Variants in FREM2 observed in about 807,000 individuals in gnomAD.
The protein encoded by FREM2 is FRAS1-related extracellular matrix protein 2.
Under a neutral mutation model 219.9 loss-of-function variants are expected in FREM2, and 119 were observed. The observed-to-expected ratio is 0.54, with a 90% CI of 0.47 to 0.63. The LOEUF (loss-of-function observed/expected upper bound fraction) is 0.63, where lower values mean the gene tolerates loss of function less well. Ranked by LOEUF, FREM2 falls within the 30% of genes least tolerant of loss-of-function variation. FREM2 has a pLI of 0.00. For synonymous variants in FREM2, 1,562 were observed against 1,522.8 expected (o/e 1.03, Z -0.60); for missense variants, 4,030 against 3,993.6 (o/e 1.01, Z -0.25).
chr13:38,860,582 G>A (rs537708471), intron 14 of FREM2, among the ~76,000 whole-genome samples: 60 of 152,214 alleles, frequency 3.9e-4, no homozygotes, highest in Admixed American at 2.1e-3. Context: ...TAATAAATCA[G>A]ACAGCCTCTA....
In FREM2 at chr13:38,850,740, C is replaced by T. The variant is rs1027663077; in HGVS notation, c.6578-204C>T. Among the ~76,000 whole-genome samples, 11 of 152,194 alleles carry T rather than the reference C, an allele frequency of 7.2e-5. No homozygotes were observed. The South Asian group carries it at 8.3e-4, about 11-fold the overall frequency. ...ACAGAAATCAAAGAAATTCCCCATACGAATAAGTGCTGGTCATTGCATATA... is the reference window on the plus strand; with the variant it reads ...ACAGAAATCAAAGAAATTCCCCATATGAATAAGTGCTGGTCATTGCATATA... On this transcript the variant is annotated intron_variant, in intron 9 of 23. Coordinates refer to ENST00000280481, the MANE Select transcript of FREM2 (RefSeq NM_207361.6).
rs752173818 is a variant in FREM2, at chr13:38,691,821, T to A, written c.4477T>A (p.Tyr1493Asn). 6.2e-7 allele frequency: 1 copy of A among 1,614,182 alleles called. No individual in the cohort carries two copies. Among genetic ancestry groups the A allele is most frequent in the East Asian group, 2.2e-5 (1 of 44,884 alleles). ...TQLQLAGNKIYYIHTADDEVK... is the reference protein window; with the variant it reads ...TQLQLAGNKINYIHTADDEVK... Reference sequence around the variant, plus strand: ...GCTGCAACTGGCTGGAAACAAAATCTACTACATCCACACAGCTGATGATGA... The same window carrying A: ...GCTGCAACTGGCTGGAAACAAAATCAACTACATCCACACAGCTGATGATGA... The change falls in exon 1 of 24, where the codon TAC (tyrosine) becomes AAC (asparagine). Residue 1493 changes from tyrosine (Y) to asparagine (N), a missense_variant. Transcript: ENST00000280481.
chr13:38,827,969 C>A (rs7322259), intron 6 of FREM2, among the ~76,000 whole-genome samples: 20,526 of 152,076 alleles, frequency 0.13, 2,588 homozygotes, highest in African/African-American at 0.34. Context: ...GTAATAATAT[C>A]TTTTATCACA....
intron 6 of FREM2, among the ~76,000 whole-genome samples, chr13:38,840,680 A>G (rs1202337716): frequency 2.7e-5 from 4 of 149,292 alleles, no homozygotes; most frequent in Non-Finnish European, 4.4e-5. Context: ...ATATGTATAC[A>G]TGTGTGTATA....
chr13:38,840,661 TAC>T (rs1173969978), intron 6 of FREM2, among the ~76,000 whole-genome samples: 4 of 148,894 alleles, frequency 2.7e-5, no homozygotes, highest in African/African-American at 1.0e-4. Context: ...TGTATATATA[TAC>T]ACACACATAT....
chr13:38,719,463 C>A (rs1215357798), intron 2 of FREM2, among the ~76,000 whole-genome samples: 1 of 152,090 alleles, frequency 6.6e-6, no homozygotes, highest in African/African-American at 2.4e-5. Flanking sequence ...TTAGGTGATC[C>A]GCCCACCTTG....
intron 5 of FREM2, among the ~76,000 whole-genome samples, 159 bp from the exon 6 acceptor site, chr13:38,784,398 C>T (rs1287951515): frequency 5.9e-5 from 9 of 152,214 alleles, no homozygotes; most frequent in Admixed American, 1.3e-4. Flanking sequence ...CTCAAGTTGA[C>T]TCATGATACT....
At chr13:38,828,718 A>G (rs1164630719) in intron 6 of FREM2, among the ~76,000 whole-genome samples, 1 of 122,466 alleles carries the variant, frequency 8.2e-6, no homozygotes, top group African/African-American at 4.5e-5. Context: ...ATGTCTCTTA[A>G]TAATAATAAA....
At position 38,784,640 on chromosome 13, in the gene FREM2, C is replaced by A; in HGVS notation, c.5851C>A (p.Arg1951Ser). 1 of 1,614,148 alleles carries A rather than the reference C, an allele frequency of 6.2e-7. No homozygotes were observed. Among genetic ancestry groups the A allele is most frequent in the Admixed American group, 1.7e-5 (1 of 60,018 alleles). Residue 1951 changes from arginine (R) to serine (S), a missense_variant, in exon 6 of 24, where the codon CGC (arginine) becomes AGC (serine). Arg to Ser is a moderately radical substitution (Grantham distance 110). This residue lies in a region of FREM2 where 3,102 missense variants were observed against 2,950.7 expected (regional missense o/e 1.05). Coordinates refer to ENST00000280481, the MANE Select transcript of FREM2 (RefSeq NM_207361.6). Reference sequence around the variant, plus strand: ...GCCTGAGGACCACACCAGTGTTGTCCGCTTTGACAAAGATGAACGGGAGAA... The same window carrying A: ...GCCTGAGGACCACACCAGTGTTGTCAGCTTTGACAAAGATGAACGGGAGAA... ...SRPEDHTSVVRFDKDEREKLC... is the reference protein window; with the variant it reads ...SRPEDHTSVVSFDKDEREKLC...
rs779050371 is a variant in FREM2 at position 38,851,787 on chromosome 13, A to G, written c.6844A>G (p.Thr2282Ala). ...IRIPVIRQGD[T>A]SKVSIVRVHT... is the part of the protein sequence containing the mutation. ...AATTCCAGTGATTCGCCAAGGAGAC[A>G]CTTCAAAGGTTTCCATTGTGAGAGT... The change falls in exon 11 of 24, where the codon ACT becomes GCT. Residue 2282 changes from threonine to alanine, a missense_variant. By Grantham distance (58) the Thr-to-Ala change is moderately conservative. Coordinates refer to ENST00000280481, the MANE Select transcript of FREM2 (RefSeq NM_207361.6). The G allele has an allele frequency of 1.9e-5, 30 of 1,613,960 alleles. No individual in the cohort carries two copies. In the South Asian group the frequency reaches 3.3e-4, roughly 18 times the overall value.
chr13:38,818,050 G>C (rs1875837747), intron 6 of FREM2, among the ~76,000 whole-genome samples: 1 of 152,154 alleles, frequency 6.6e-6, no homozygotes. Context: ...TGGTGAGAAT[G>C]TGGAGAAAAG....
At chr13:38,845,322 CT>C (rs1378204382) in intron 6 of FREM2, among the ~76,000 whole-genome samples, 4 of 152,144 alleles carry the variant, frequency 2.6e-5, no homozygotes, top group African/African-American at 7.2e-5. Flanking sequence ...TAGAGTTTTG[CT>C]TAATTTGGTA....
chr13:38,773,906 G>A (rs1017814426), intron 4 of FREM2, among the ~76,000 whole-genome samples: 1 of 151,484 alleles, frequency 6.6e-6, no homozygotes, highest in South Asian at 2.1e-4. Flanking sequence ...GATCTCTGAG[G>A]GTCAAGGAAT....
At position 38,731,000 on chromosome 13, in the gene FREM2, T is replaced by G. The variant is rs183262422; in HGVS notation, c.5263+33213T>G. Among the ~76,000 whole-genome samples the G allele has an allele frequency of 2.1e-3, 323 of 152,228 alleles. 2 individuals are homozygous for G. The highest frequency in any genetic ancestry group is 3.1e-3 in the Non-Finnish European group (213 of 68,022). ...AATATTAATGTTCTTATGGGTATTA[T>G]CTAAACTGAAGAATTCATAATTATT... On this transcript the variant is annotated intron_variant, in intron 2 of 23. Transcript: ENST00000280481.
At chr13:38,748,109 C>T (rs901897587) in intron 2 of FREM2, among the ~76,000 whole-genome samples, 9 of 152,054 alleles carry the variant, frequency 5.9e-5, no homozygotes, top group South Asian at 4.2e-4. Context: ...GATCTGATCC[C>T]GCATTTGACT....
chr13:38,688,133 C>G lies in FREM2; in HGVS notation c.789C>G (p.Gly263=), dbSNP rs757542294. 1 of 1,613,386 alleles carries G rather than the reference C, an allele frequency of 6.2e-7. No homozygotes were observed. The part of the protein sequence containing the change: ...LMDCKAFQEL[G]VRYRHTAASR... ...ACTGCAAAGCTTTCCAGGAACTAGG[C>G]GTGCGCTATCGCCACACAGCCGCCA... is the stretch of plus-strand genomic sequence containing the variant. Residue 263 remains glycine, a synonymous_variant, in exon 1 of 24, where the codon GGC becomes GGG. Transcript: ENST00000280481.
At chr13:38,732,789 G>A (rs867912303) in intron 2 of FREM2, among the ~76,000 whole-genome samples, 3 of 152,240 alleles carry the variant, frequency 2.0e-5, no homozygotes, top group Admixed American at 6.5e-5. Flanking sequence ...TGAAGATTCT[G>A]TGTTGACTAC....
intron 16 of FREM2, among the ~76,000 whole-genome samples, chr13:38,867,548 G>T (rs1300038202): frequency 6.6e-6 from 1 of 152,220 alleles, no homozygotes; most frequent in East Asian, 1.9e-4. Context: ...ATAGATAGAT[G>T]AGAAGGGATT....
intron 7 of FREM2, among the ~76,000 whole-genome samples, chr13:38,848,212 G>C (rs1353030498): frequency 6.6e-6 from 1 of 152,132 alleles, no homozygotes; most frequent in Non-Finnish European, 1.5e-5. Context: ...AGCACAGAAA[G>C]CTAAAATAAT....
Sources: gnomAD v4.1 joint callset for allele counts (sites outside exome capture counted in the v4.1 genomes callset) on GRCh38, gnomAD v4.1.1 for gene constraint, gnomAD v4.1.1 regional missense constraint, MANE v1.5 for transcripts, NCBI Gene and HGNC (gene_info 2026-07-23, HGNC 2026-07-21) for gene names.